The following ACACB variants were observed in gnomAD, a reference collection of about 807,000 sequenced individuals.
The protein encoded by ACACB is acetyl-CoA carboxylase beta, also known as acetyl-CoA carboxylase 2.
Under a neutral mutation model 278.8 loss-of-function variants are expected in ACACB, and 209 were observed. The ratio of observed to expected loss-of-function variants is 0.75; its 90% CI spans 0.67 to 0.84. The LOEUF (loss-of-function observed/expected upper bound fraction) is 0.84. ACACB is among the 40% of genes least tolerant of loss of function. The pLI is 0.00. For missense variants in ACACB, 2,850 were observed against 3,269.0 expected (o/e 0.87, Z 3.13); for synonymous variants, 1,174 against 1,285.6 (o/e 0.91, Z 1.86).
At chr12:109,124,865 C>A (rs1188002368) in intron 1 of ACACB, among the ~76,000 whole-genome samples, 7 of 152,182 alleles carry the variant, frequency 4.6e-5, no homozygotes, top group Non-Finnish European at 8.8e-5. Flanking sequence ...CAGGCGCTCG[C>A]CACCATGCCT....
chr12:109,227,958 G>A (rs1043419143), intron 28 of ACACB, among the ~76,000 whole-genome samples: 1 of 151,894 alleles, frequency 6.6e-6, no homozygotes, highest in East Asian at 1.9e-4. Context: ...ACTTGAACCC[G>A]GGAGGCAGAG....
At chr12:109,137,407 C>A (rs1031874076) in intron 1 of ACACB, among the ~76,000 whole-genome samples, 15 of 152,104 alleles carry the variant, frequency 9.9e-5, no homozygotes, top group Non-Finnish European at 2.2e-4. Flanking sequence ...CGCCTGTAAT[C>A]CTAGCACTTT....
chr12:109,140,333 TC>T (rs879839814), intron 2 of ACACB, among the ~76,000 whole-genome samples: 7,766 of 112,228 alleles, frequency 0.069, 703 homozygotes, highest in East Asian at 0.13. Flanking sequence ...CTTCCTTCCT[TC>T]CTTCCTTCCT....
chr12:109,257,734 C>G (rs1023066630), intron 45 of ACACB, among the ~76,000 whole-genome samples: 1 of 152,108 alleles, frequency 6.6e-6, no homozygotes. Context: ...CCACACCTAG[C>G]CAGTTTTTTT....
intron 16 of ACACB, among the ~76,000 whole-genome samples, chr12:109,194,515 T>TGTGTGC (rs1336170266): frequency 1.4e-5 from 1 of 71,162 alleles, no homozygotes; most frequent in African/African-American, 4.9e-5. Flanking sequence ...TGTGTGCATG[T>TGTGTGC]GTGTGTGTGT....
At chr12:109,188,465 C>T (rs2044751354) in intron 13 of ACACB, among the ~76,000 whole-genome samples, 1 of 146,514 alleles carries the variant, frequency 6.8e-6, no homozygotes, top group Non-Finnish European at 1.5e-5. Context: ...CTTCCTCCCT[C>T]CTTCCTTCTT....
At chr12:109,196,731 A>C (rs1038424071) in intron 16 of ACACB, among the ~76,000 whole-genome samples, 1 of 152,218 alleles carries the variant, frequency 6.6e-6, no homozygotes, top group African/African-American at 2.4e-5. Flanking sequence ...CTCTAGCCCC[A>C]GAGGACATGC....
At chr12:109,145,645 C>T (rs969323495) in intron 2 of ACACB, among the ~76,000 whole-genome samples, 1 of 152,024 alleles carries the variant, frequency 6.6e-6, no homozygotes, top group African/African-American at 2.4e-5. Flanking sequence ...CCCAAAAAGG[C>T]AAATACAGTG....
intron 1 of ACACB, among the ~76,000 whole-genome samples, chr12:109,118,418 T>C (rs2042459674): frequency 6.6e-6 from 1 of 150,812 alleles, no homozygotes; most frequent in African/African-American, 2.4e-5. Context: ...TGTTCTTTTT[T>C]TTTTTTTTTT....
chr12:109,242,138 A>G, intron 36 of ACACB: 1 of 323,360 alleles, frequency 3.1e-6, no homozygotes, highest in Non-Finnish European at 5.7e-6. Flanking sequence ...TGTTCGCACC[A>G]ACACTGACCA....
Position 109,191,709 on chromosome 12 carries a change from G to T in ACACB, c.2241G>T (p.Gln747His), listed in dbSNP as rs756295416. ...LINLLETESF[Q>H]NNDIDTGWLD... ...ACCTCCTGGAGACCGAGAGCTTCCA[G>T]AACAACGACATCGACACCGGGTGGT... is the stretch of plus-strand genomic sequence containing the variant. The change falls in exon 14 of 53, where the codon CAG becomes CAT. Residue 747 changes from glutamine (Q) to histidine (H), a missense_variant. Gln to His is a conservative substitution (Grantham distance 24, BLOSUM62 0). This residue lies in a region of ACACB where 2,265 missense variants were observed against 2,561.3 expected (regional missense o/e 0.88). Transcript: ENST00000338432. The T allele has an allele frequency of 1.3e-5, 21 of 1,614,200 alleles. No homozygotes were observed. Among genetic ancestry groups the T allele is most frequent in the Non-Finnish European group, 1.7e-5 (20 of 1,180,038 alleles).
chr12:109,193,840 T>C (rs2044989023), intron 16 of ACACB, 111 bp downstream of exon 16: 5 of 936,522 alleles, frequency 5.3e-6, no homozygotes, highest in Non-Finnish European at 8.3e-6. Flanking sequence ...GGGTTTGAGC[T>C]CTTGTGTTCC....
chr12:109,198,177 C>T (rs2045208121), intron 17 of ACACB, among the ~76,000 whole-genome samples: 1 of 152,164 alleles, frequency 6.6e-6, no homozygotes, highest in African/African-American at 2.4e-5. Context: ...GGATTGCAGT[C>T]ATGAGCCACT....
At chr12:109,206,631 T>A in intron 19 of ACACB, 79 bp from the exon 20 acceptor site, 15 of 1,542,384 alleles carry the variant, frequency 9.7e-6, no homozygotes, top group Admixed American at 1.7e-5. Context: ...GGCAGATCTG[T>A]CCTGCCTCCC....
At chr12:109,243,267 G>A (rs1038203047) in intron 37 of ACACB, among the ~76,000 whole-genome samples, 3 of 152,036 alleles carry the variant, frequency 2.0e-5, no homozygotes, top group Non-Finnish European at 4.4e-5. Flanking sequence ...AAGAGGAGGG[G>A]GTCACTGCCT....
intron 36 of ACACB, 138 bp from the exon 37 acceptor site, chr12:109,242,299 C>A: frequency 2.1e-6 from 2 of 938,084 alleles, no homozygotes; most frequent in Non-Finnish European, 3.3e-6. Context: ...TTTTACGTAG[C>A]CCAGGCACTC....
chr12:109,216,731 AGTGGGATG>A (rs777281390), intron 23 of ACACB, 25 bp downstream of exon 23: 2 of 1,614,158 alleles, frequency 1.2e-6, no homozygotes, highest in East Asian at 4.5e-5. Context: ...TGCCAACACC[AGTGGGATG>A]GTGGGGGGCG....
Position 109,209,974 on chromosome 12 carries a change from TAC to T in ACACB, c.3249+628_3249+629del, listed in dbSNP as rs759183713. Among the ~76,000 whole-genome samples the T allele has an allele frequency of 1.0e-3, 100 of 97,288 alleles. 14 individuals are homozygous for T. In the East Asian group the frequency reaches 0.013, roughly 13 times the overall value. The allele number at this position is 97,288 out of a possible 152,430, so 63.8% of individuals were successfully genotyped here. ...GTGTGTATATATGTGTATACACACA[TAC>T]ACACACGTGTGTGTATATATGTGTA... is the stretch of plus-strand genomic sequence containing the variant. On this transcript the variant is annotated intron_variant, in intron 21 of 52. Transcript: ENST00000338432.
At chr12:109,237,648 T>C (rs1239401968) in intron 34 of ACACB, among the ~76,000 whole-genome samples, 2 of 152,166 alleles carry the variant, frequency 1.3e-5, no homozygotes, top group African/African-American at 4.8e-5. Context: ...AGAAAAATAC[T>C]GGTTTGTTCA....
Sources: gnomAD v4.1 joint callset for allele counts (sites outside exome capture counted in the v4.1 genomes callset) on GRCh38, gnomAD v4.1.1 for gene constraint, gnomAD v4.1.1 regional missense constraint, MANE v1.5 for transcripts, NCBI Gene and HGNC (gene_info 2026-07-23, HGNC 2026-07-21) for gene names.